Variants in ENTPD1 observed in about 807,000 individuals in gnomAD.
The protein encoded by ENTPD1 is ectonucleoside triphosphate diphosphohydrolase 1.
ENTPD1 carries 33 observed loss-of-function variants against 57.0 expected under a neutral mutation model. The observed-to-expected ratio is 0.58, with a 90% CI of 0.44 to 0.77. The LOEUF (loss-of-function observed/expected upper bound fraction) is 0.77, where lower values mean the gene tolerates loss of function less well. Among genes scored for constraint, ENTPD1 ranks in the 30% least tolerant of loss-of-function variants. ENTPD1 has a pLI of 0.00. For synonymous variants in ENTPD1, 202 were observed against 218.8 expected (o/e 0.92, Z 0.68); for missense variants, 501 against 603.4 (o/e 0.83, Z 1.78).
At chr10:95,738,229 G>A (rs943006446) in intron 1 of ENTPD1, among the ~76,000 whole-genome samples, 3 of 152,188 alleles carry the variant, frequency 2.0e-5, no homozygotes, top group African/African-American at 7.2e-5. Context: ...AGAAAACACT[G>A]TTTTGCATTA....
At chr10:95,711,908 G>C (rs909517560) in exon 1 of ENTPD1, 87 of 1,611,890 alleles carry the variant, frequency 5.4e-5, no homozygotes, top group Non-Finnish European at 7.1e-5. Context: ...CTCCAGTTTT[G>C]GTGCTGTGAA....
At chr10:95,828,818 C>T (rs1408504648) in intron 2 of ENTPD1, among the ~76,000 whole-genome samples, 1 of 150,024 alleles carries the variant, frequency 6.7e-6, no homozygotes, top group Non-Finnish European at 1.5e-5. Context: ...TCAAGCAATT[C>T]TCCTGCCTCA....
At chr10:95,795,175 G>A (rs1213071899) in intron 1 of ENTPD1, among the ~76,000 whole-genome samples, 2 of 152,166 alleles carry the variant, frequency 1.3e-5, no homozygotes, top group African/African-American at 2.4e-5. Context: ...ACATTAGAGT[G>A]ATGGAGAGGG....
chr10:95,804,373 A>C (rs971571302), intron 1 of ENTPD1, among the ~76,000 whole-genome samples: 1 of 152,058 alleles, frequency 6.6e-6, no homozygotes, highest in African/African-American at 2.4e-5. Flanking sequence ...TGAGCAGTGG[A>C]TTGTAGTTCT....
intron 1 of ENTPD1, among the ~76,000 whole-genome samples, chr10:95,767,618 C>T (rs1370917065): frequency 1.3e-5 from 2 of 151,700 alleles, no homozygotes; most frequent in Non-Finnish European, 2.9e-5. Flanking sequence ...TCTTATCTCA[C>T]TATGCCTTTC....
chr10:95,842,319 T>A, intron 3 of ENTPD1, 25 bp from the exon 4 acceptor site: 1 of 1,599,016 alleles, frequency 6.3e-7, no homozygotes, highest in Non-Finnish European at 8.6e-7. Flanking sequence ...TTTAAAAGAT[T>A]GTTATCTTCT....
At chr10:95,828,331 C>T (rs2098385051) in intron 2 of ENTPD1, among the ~76,000 whole-genome samples, 1 of 152,196 alleles carries the variant, frequency 6.6e-6, no homozygotes, top group Non-Finnish European at 1.5e-5. Context: ...CCGTATGGGA[C>T]TGTCTAGTTG....
chr10:95,718,008 G>T lies in ENTPD1; in HGVS notation c.37+6015G>T, dbSNP rs537069037. Among the ~76,000 whole-genome samples, 11 of 152,248 alleles carry T rather than the reference G, an allele frequency of 7.2e-5. No individual in the cohort carries two copies. The East Asian group carries it at 9.7e-4, about 13-fold the overall frequency. On this transcript the variant is annotated intron_variant, in intron 1 of 9. Transcript: ENST00000453258. Reference sequence around the variant, plus strand: ...GAAATGTATGGCCTGAAGTGCAGGGGCATATATGGGTGTGGGCGGTGAAAG... The same window carrying T: ...GAAATGTATGGCCTGAAGTGCAGGGTCATATATGGGTGTGGGCGGTGAAAG...
intron 1 of ENTPD1, among the ~76,000 whole-genome samples, chr10:95,819,352 G>C (rs1230630073): frequency 6.6e-6 from 1 of 151,794 alleles, no homozygotes; most frequent in Non-Finnish European, 1.5e-5. Flanking sequence ...TTTTTGTAGA[G>C]ACAGATTTTC....
chr10:95,709,350 C>T (rs1352684620), upstream of ENTPD1, among the ~76,000 whole-genome samples: 1 of 144,222 alleles, frequency 6.9e-6, no homozygotes, highest in Non-Finnish European at 1.6e-5. Context: ...AAAATCTCTC[C>T]TCTTTTCCTT....
chr10:95,777,509 AT>A, intron 1 of ENTPD1, among the ~76,000 whole-genome samples: 1 of 152,214 alleles, frequency 6.6e-6, no homozygotes, highest in South Asian at 2.1e-4. Context: ...TTGCTGCCTG[AT>A]CCTTCCTCTG....
At chr10:95,818,436 T>C (rs566288994) in intron 1 of ENTPD1, among the ~76,000 whole-genome samples, 2 of 152,242 alleles carry the variant, frequency 1.3e-5, no homozygotes, top group East Asian at 3.9e-4. Context: ...AGGACATAGG[T>C]TCTTGATAAG....
chr10:95,737,426 C>G (rs2097995832), intron 1 of ENTPD1, among the ~76,000 whole-genome samples: 1 of 151,850 alleles, frequency 6.6e-6, no homozygotes, highest in East Asian at 1.9e-4. Context: ...GCTCTGTCCC[C>G]CAAGCTGGAG....
rs1222581861 is a variant in ENTPD1 at position 95,867,815 on chromosome 10, C to T, written c.*1432C>T. On this transcript the variant is annotated 3_prime_UTR_variant, in exon 10 of 10. Transcript: ENST00000371205. ...TGATGGGGAAAGAAAAGCTCTCACA[C>T]AAACCGGAAGCCAAATGTCCCCTAT... 1.0e-6 allele frequency: 1 copy of T among 985,436 alleles called. No homozygotes were observed. The highest frequency in any genetic ancestry group is 4.7e-5 in the South Asian group (1 of 21,290). 61.0% of individuals were successfully genotyped at this position (985,436 alleles called of 1,614,324 possible).
In ENTPD1 at chr10:95,793,705, T is replaced by C. The variant is rs78259117; in HGVS notation, c.17-29532T>C. The stretch of plus-strand genomic sequence containing the variant: ...GGTGATTCTGATGCAGGTTTATGGT[T>C]AAGAATTGGATTAGAGAAACTATGT... On this transcript the variant is annotated intron_variant, in intron 1 of 9. Transcript: ENST00000371205. Among the ~76,000 whole-genome samples, 517 of 152,248 alleles carry C rather than the reference T, an allele frequency of 3.4e-3. 4 individuals are homozygous for C. The highest frequency in any genetic ancestry group is 0.012 in the African/African-American group (508 of 41,522).
At chr10:95,729,594 C>A (rs2097987227) in intron 1 of ENTPD1, among the ~76,000 whole-genome samples, 1 of 152,174 alleles carries the variant, frequency 6.6e-6, no homozygotes. Flanking sequence ...ATTTCCTACT[C>A]CCACCCACTG....
At chr10:95,715,693 C>T (rs759503657) in intron 1 of ENTPD1, among the ~76,000 whole-genome samples, 2 of 151,942 alleles carry the variant, frequency 1.3e-5, no homozygotes, top group African/African-American at 2.4e-5. Flanking sequence ...AATTCACATA[C>T]CTTTAAATTT....
the ENTPD1 span, among the ~76,000 whole-genome samples, chr10:95,705,844 C>T: frequency 6.6e-6 from 1 of 152,208 alleles, no homozygotes; most frequent in South Asian, 2.1e-4. Flanking sequence ...CATGGTGGCT[C>T]ATGGCACTTT....
At chr10:95,815,380 C>T (rs1056364181) in intron 1 of ENTPD1, among the ~76,000 whole-genome samples, 1 of 152,232 alleles carries the variant, frequency 6.6e-6, no homozygotes. Context: ...AGCCTTTTGT[C>T]ACTTAACTGT....
Sources: gnomAD v4.1 joint callset for allele counts (sites outside exome capture counted in the v4.1 genomes callset) on GRCh38, gnomAD v4.1.1 for gene constraint, MANE v1.5 for transcripts, NCBI Gene and HGNC (gene_info 2026-07-23, HGNC 2026-07-21) for gene names.